The following ATG4D variants were observed in gnomAD, a reference collection of about 807,000 sequenced individuals.
ATG4D encodes autophagy related 4D cysteine peptidase.
In ATG4D, 51 loss-of-function variants were observed where a neutral mutation model predicts 55.2. The ratio of observed to expected loss-of-function variants is 0.92; its 90% CI spans 0.74 to 1.17. The LOEUF is 1.17. Among genes scored for constraint, ATG4D ranks in the 50% most tolerant of loss-of-function variants. ATG4D has a pLI of 0.00. For synonymous variants in ATG4D, 268 were observed against 266.2 expected (o/e 1.01, Z -0.07); for missense variants, 635 against 649.6 (o/e 0.98, Z 0.25).
Position 10,552,110 on chromosome 19 carries a change from T to A in ATG4D, c.1111T>A (p.Phe371Ile). Residue 371 changes from phenylalanine (F) to isoleucine (I), a missense_variant, in exon 8 of 10, where the codon TTC (phenylalanine) becomes ATC (isoleucine). Physicochemically the swap from Phe to Ile is conservative, Grantham distance 21 (BLOSUM62 0). Transcript: ENST00000309469. ...CACTGTGGATGTCAGCCAGGCCGAC[T>A]TCCCCCTGGAGGTGAGTGGGAGCCC... ...QPTVDVSQAD[F>I]PLESFHCTSP... 1 of 1,611,496 alleles carries A rather than the reference T, an allele frequency of 6.2e-7. No homozygotes were observed.
In ATG4D at chr19:10,553,148, C is replaced by G; in HGVS notation, c.*81C>G. 1 of 1,444,722 alleles carries G rather than the reference C, an allele frequency of 6.9e-7. No homozygotes were observed. Among genetic ancestry groups the G allele is most frequent in the East Asian group, 2.5e-5 (1 of 40,462 alleles). The allele number at this position is 1,444,722 out of a possible 1,614,324, so 89.5% of individuals were successfully genotyped here. A position where few individuals can be genotyped will look rare whatever the true frequency, so the allele number is the denominator to read the frequency against. ...TCGGGTGTGGGATCTTGAGCTCTGG[C>G]AGTGATGATGGTACTTCCTGTTGTC... On this transcript the variant is annotated 3_prime_UTR_variant, in exon 10 of 10. Coordinates refer to ENST00000309469, the MANE Select transcript of ATG4D (RefSeq NM_032885.6).
rs753686617 is a variant in ATG4D at position 10,545,037 on chromosome 19, G to T, written c.400G>T (p.Gly134Cys). Residue 134 changes from glycine to cysteine, a missense_variant, in exon 3 of 10, where the codon GGC becomes TGC. Gly to Cys is a radical substitution (Grantham distance 159). Transcript: ENST00000309469. ...CCGGGACTTCCCGCCCCTTCCTGGG[G>T]GCTGCCTGACCTCGGACTGTGGCTG... ...YRRDFPPLPG[G>C]CLTSDCGWGC... 1 of 1,613,142 alleles carries T rather than the reference G, an allele frequency of 6.2e-7. No homozygotes were observed. The highest frequency in any genetic ancestry group is 8.5e-7 in the Non-Finnish European group (1 of 1,179,714).
intron 3 of ATG4D, among the ~76,000 whole-genome samples, chr19:10,545,861 A>C (rs1423371518): frequency 6.7e-6 from 1 of 150,028 alleles, no homozygotes; most frequent in Non-Finnish European, 1.5e-5. Context: ...AGCGAGACTC[A>C]GTCTCAAAAA....
Position 10,553,356 on chromosome 19 carries a change from C to G in ATG4D, c.*289C>G, listed in dbSNP as rs537241533. 4 of 336,862 alleles carry G rather than the reference C, an allele frequency of 1.2e-5. No homozygotes were observed. The highest frequency in any genetic ancestry group is 8.2e-5 in the African/African-American group (4 of 48,610). The allele number at this position is 336,862 out of a possible 1,614,324, so 20.9% of individuals were successfully genotyped here. A position where few individuals can be genotyped will look rare whatever the true frequency, so the allele number is the denominator to read the frequency against. ...TTTGCACTGGACGCCCGGGCCCTCC[C>G]TGTCCCAAAGCCCCCTTGGGGGAAC... On this transcript the variant is annotated 3_prime_UTR_variant, in exon 10 of 10. Transcript: ENST00000309469.
chr19:10,551,989 C>T lies in ATG4D; in HGVS notation c.1045+14C>T. 1 of 1,597,440 alleles carries T rather than the reference C, an allele frequency of 6.3e-7. No individual in the cohort carries two copies. Among genetic ancestry groups the T allele is most frequent in the Non-Finnish European group, 8.5e-7 (1 of 1,171,824 alleles). ...TTGGCTACCAAGGTAGGCCCACCCC[C>T]TCCTCACTCCTCCCACCCCCCACCG... On this transcript the variant is annotated intron_variant, in intron 7 of 9. Transcript: ENST00000309469.
chr19:10,552,920 C>T lies in ATG4D; in HGVS notation c.1278C>T (p.Pro426=). 6.2e-7 allele frequency: 1 copy of T among 1,613,316 alleles called. No individual in the cohort carries two copies. Among genetic ancestry groups the T allele is most frequent in the South Asian group, 1.1e-5 (1 of 91,070 alleles). ...LSSSSATERY[P]MFTLAEGHAQ... ...CCTCCTCAGCCACAGAGCGGTACCC[C>T]ATGTTCACCCTGGCCGAGGGCCATG... The change falls in exon 10 of 10, where the codon CCC becomes CCT. Residue 426 remains proline, a synonymous_variant. Transcript: ENST00000309469.
intron 6 of ATG4D, among the ~76,000 whole-genome samples, chr19:10,550,576 C>T (rs1036870312): frequency 1.3e-5 from 2 of 152,116 alleles, no homozygotes; most frequent in African/African-American, 4.8e-5. Context: ...CCCACCTTGA[C>T]CTCATATCCT....
rs879685414 is a variant in ATG4D at position 10,545,866 on chromosome 19, C to CA, written c.493+749dup. Among the ~76,000 whole-genome samples the CA allele has an allele frequency of 1.3e-3, 168 of 128,960 alleles. 1 individual carries two copies. The highest frequency in any genetic ancestry group is 4.5e-3 in the Middle Eastern group (1 of 224). 84.6% of individuals were successfully genotyped at this position (128,960 alleles called of 152,430 possible). On this transcript the variant is annotated intron_variant, in intron 3 of 9. Transcript: ENST00000309469. The stretch of plus-strand genomic sequence containing the variant: ...TGGGTGGCAGAGCGAGACTCAGTCT[C>CA]AAAAAAAAAAAAAGAGTTTTGGCTG...
intron 5 of ATG4D, among the ~76,000 whole-genome samples, chr19:10,548,471 G>T (rs1916121068): frequency 6.6e-6 from 1 of 152,158 alleles, no homozygotes; most frequent in South Asian, 2.1e-4. Flanking sequence ...GCAGGGGGCA[G>T]GAGAATGGGC....
chr19:10,543,957 C>A lies in ATG4D; in HGVS notation c.-134C>A. On this transcript the variant is annotated 5_prime_UTR_variant, in exon 1 of 10. Transcript: ENST00000309469. ...GCGGTAGCAGCGGCGGCGGCTGTTG[C>A]CTGGCCCGGTACCCTGGGGACGGGG... 1 of 516,386 alleles carries A rather than the reference C, an allele frequency of 1.9e-6. No homozygotes were observed. Among genetic ancestry groups the A allele is most frequent in the Non-Finnish European group, 2.9e-6 (1 of 339,532 alleles). 32.0% of individuals were successfully genotyped at this position (516,386 alleles called of 1,614,324 possible). A position where few individuals can be genotyped will look rare whatever the true frequency, so the allele number is the denominator to read the frequency against.
chr19:10,544,826 C>T lies in ATG4D; in HGVS notation c.279C>T (p.Ser93=). 1.2e-6 allele frequency: 2 copies of T among 1,614,070 alleles called. No homozygotes were observed. The highest frequency in any genetic ancestry group is 1.7e-4 in the Middle Eastern group (1 of 6,054). The change falls in exon 2 of 10, where the codon AGC becomes AGT. Residue 93 remains serine, a synonymous_variant. Transcript: ENST00000309469. ...KSRTSFSKIS[S]IHLCGRRYRF... ...GGACCAGCTTTAGCAAGATCTCCAG[C>T]ATCCACCTCTGTGGCCGCCGCTACC...
Position 10,545,066 on chromosome 19 carries a change from G to T in ATG4D, c.429G>T (p.Gly143=). 1.9e-6 allele frequency: 3 copies of T among 1,613,360 alleles called. No individual in the cohort carries two copies. The highest frequency in any genetic ancestry group is 2.5e-6 in the Non-Finnish European group (3 of 1,180,024). ...GCCTGACCTCGGACTGTGGCTGGGGGTGCATGTTACGCAGCGGCCAGATGA... is the reference window on the plus strand; with the variant it reads ...GCCTGACCTCGGACTGTGGCTGGGGTTGCATGTTACGCAGCGGCCAGATGA... ...GGCLTSDCGW[G]CMLRSGQMML... Residue 143 remains glycine, a synonymous_variant, in exon 3 of 10, where the codon GGG becomes GGT. Coordinates refer to ENST00000309469, the MANE Select transcript of ATG4D (RefSeq NM_032885.6).
intron 6 of ATG4D, among the ~76,000 whole-genome samples, chr19:10,550,013 A>AT (rs1165140483): frequency 2.0e-5 from 3 of 151,648 alleles, no homozygotes; most frequent in Non-Finnish European, 4.4e-5. Flanking sequence ...TCTCTACACA[A>AT]TTTTTTTTGA....
At chr19:10,545,306 T>C (rs1915999084) in intron 3 of ATG4D, among the ~76,000 whole-genome samples, 176 bp downstream of exon 3, 1 of 152,190 alleles carries the variant, frequency 6.6e-6, no homozygotes. Flanking sequence ...AAACGGTGGC[T>C]CATGCCTGTA....
intron 9 of ATG4D, 151 bp from the exon 10 acceptor site, chr19:10,552,734 G>A (rs1365608444): frequency 5.9e-6 from 5 of 850,304 alleles, no homozygotes; most frequent in Middle Eastern, 3.7e-4. Flanking sequence ...GCTCATGGCT[G>A]AGCCAATCAC....
intron 1 of ATG4D, 187 bp from the exon 2 acceptor site, chr19:10,544,596 T>G: frequency 8.2e-7 from 1 of 1,226,378 alleles, no homozygotes; most frequent in South Asian, 1.6e-5. Context: ...ACTACCTTCC[T>G]TCATCCTGAA....
rs2144679502 is a variant in ATG4D, at chr19:10,544,040, A to C, written c.-51A>C. 13 of 1,165,516 alleles carry C rather than the reference A, an allele frequency of 1.1e-5. No homozygotes were observed. Among genetic ancestry groups the C allele is most frequent in the Middle Eastern group, 3.3e-4 (1 of 3,040 alleles). 72.2% of individuals were successfully genotyped at this position (1,165,516 alleles called of 1,614,324 possible). On this transcript the variant is annotated 5_prime_UTR_variant, in exon 1 of 10. Transcript: ENST00000309469. Reference sequence around the variant, plus strand: ...CGGCTGCGGGTCGCCCTTGGGGGGCAGCGGCCGCAGCCCCCCACCTGGGCC... The same window carrying C: ...CGGCTGCGGGTCGCCCTTGGGGGGCCGCGGCCGCAGCCCCCCACCTGGGCC...
chr19:10,544,407 C>T, intron 1 of ATG4D, 82 bp downstream of exon 1: 1 of 1,213,566 alleles, frequency 8.2e-7, no homozygotes, highest in Non-Finnish European at 1.1e-6. Flanking sequence ...TTATCCCACC[C>T]TTGTTCCCGT....
At position 10,547,022 on chromosome 19, in the gene ATG4D, C is replaced by T; in HGVS notation, c.677C>T (p.Pro226Leu). 6.3e-7 allele frequency: 1 copy of T among 1,587,870 alleles called. No individual in the cohort carries two copies. The highest frequency in any genetic ancestry group is 1.1e-5 in the South Asian group (1 of 88,388). Residue 226 changes from proline to leucine, a missense_variant, in exon 4 of 10, where the codon CCC (proline) becomes CTC (leucine). Transcript: ENST00000309469. ...VSWFADHPRA[P>L]FGLHRLVELG... ...TGGTTCGCCGACCACCCCCGGGCCC[C>T]CTTTGGCCTACACCGGCTGGTGGAG...
Sources: gnomAD v4.1 joint callset for allele counts (sites outside exome capture counted in the v4.1 genomes callset) on GRCh38, gnomAD v4.1.1 for gene constraint, MANE v1.5 for transcripts, NCBI Gene and HGNC (gene_info 2026-07-23, HGNC 2026-07-21) for gene names.